The following MYO6 variants were observed in gnomAD, a reference collection of about 807,000 sequenced individuals.
MYO6 encodes the protein unconventional myosin-VI.
MYO6 carries 74 observed loss-of-function variants against 178.7 expected under a neutral mutation model. That is an observed-to-expected ratio of 0.41 (90% confidence interval 0.34 to 0.50). The LOEUF is 0.50. Among genes scored for constraint, MYO6 ranks in the 20% least tolerant of loss-of-function variants. The pLI is 0.09. For synonymous variants in MYO6, 477 were observed against 504.6 expected (o/e 0.95, Z 0.73); for missense variants, 1,330 against 1,547.4 (o/e 0.86, Z 2.36).
Position 75,764,509 on chromosome 6 carries a change from T to G in MYO6, c.-48+15086T>G, listed in dbSNP as rs550830469. 4.6e-5 allele frequency among the ~76,000 whole-genome samples: 7 copies of G among 152,214 alleles called. No individual in the cohort carries two copies. In the East Asian group the frequency reaches 1.4e-3, roughly 29 times the overall value. Reference sequence around the variant, plus strand: ...CTGGTATTATAATGTACATCAAAGGTTCTGTGATGTATGTGTATCTTCTTT... The same window carrying G: ...CTGGTATTATAATGTACATCAAAGGGTCTGTGATGTATGTGTATCTTCTTT... On this transcript the variant is annotated intron_variant, in intron 1 of 34. Transcript: ENST00000369977.
chr6:75,808,197 C>A (rs1240904245), intron 1 of MYO6, among the ~76,000 whole-genome samples: 1 of 152,168 alleles, frequency 6.6e-6, no homozygotes, highest in African/African-American at 2.4e-5. Flanking sequence ...ATACCACAAA[C>A]GTTTGTATTC....
chr6:75,808,021 A>G (rs1364921309), intron 1 of MYO6, among the ~76,000 whole-genome samples: 1 of 152,198 alleles, frequency 6.6e-6, no homozygotes, highest in Non-Finnish European at 1.5e-5. Context: ...CCTCGTCTTT[A>G]TCTTCTATAG....
chr6:75,780,656 A>G (rs975756393), intron 1 of MYO6, among the ~76,000 whole-genome samples: 6 of 152,282 alleles, frequency 3.9e-5, no homozygotes, highest in African/African-American at 1.2e-4. Context: ...ATGTTTAGCC[A>G]TTTGGGTTGA....
At chr6:75,759,631 G>A (rs2149982197) in intron 1 of MYO6, among the ~76,000 whole-genome samples, 1 of 152,158 alleles carries the variant, frequency 6.6e-6, no homozygotes, top group Middle Eastern at 3.4e-3. Flanking sequence ...AAAGAATTGA[G>A]GATGTGAAGG....
chr6:75,860,046 AGGAGATTT>A (rs1257696587), intron 14 of MYO6, among the ~76,000 whole-genome samples: 1 of 152,174 alleles, frequency 6.6e-6, no homozygotes, highest in Non-Finnish European at 1.5e-5. Context: ...CCATCAAGTC[AGGAGATTT>A]GATGCATCCA....
intron 10 of MYO6, among the ~76,000 whole-genome samples, chr6:75,846,649 T>G (rs1165085934): frequency 6.6e-6 from 1 of 152,140 alleles, no homozygotes; most frequent in African/African-American, 2.4e-5. Context: ...TATGTTTTTC[T>G]GAGATATCAA....
At position 75,873,268 on chromosome 6, in the gene MYO6, G is replaced by A. The variant is rs776564463; in HGVS notation, c.2045G>A (p.Gly682Asp). ...NLKMTSHHFE[G>D]AQILSQLQCS... is the part of the protein sequence containing the mutation. ...AAGATGACAAGCCACCACTTTGAAGGTGCTCAAATTCTGTCTCAGCTTCAG... is the reference window on the plus strand; with the variant it reads ...AAGATGACAAGCCACCACTTTGAAGATGCTCAAATTCTGTCTCAGCTTCAG... The change falls in exon 20 of 35, where the codon GGT (glycine) becomes GAT (aspartate). Residue 682 changes from glycine to aspartate, a missense_variant. Gly to Asp is a moderately conservative substitution (Grantham distance 94, BLOSUM62 -1). Transcript: ENST00000369977. 1 of 1,613,926 alleles carries A rather than the reference G, an allele frequency of 6.2e-7. No homozygotes were observed. Among genetic ancestry groups the A allele is most frequent in the Admixed American group, 1.7e-5 (1 of 60,000 alleles).
chr6:75,845,948 C>T (rs1774691708), intron 10 of MYO6, among the ~76,000 whole-genome samples: 1 of 150,298 alleles, frequency 6.7e-6, no homozygotes, highest in Non-Finnish European at 1.5e-5. Context: ...GATCGCACCA[C>T]TGTACTCCAG....
At chr6:75,790,940 G>T (rs11969264) in intron 1 of MYO6, among the ~76,000 whole-genome samples, 4,759 of 151,928 alleles carry the variant, frequency 0.031, 156 homozygotes, top group East Asian at 0.15. Context: ...GCTGTATATA[G>T]AGATATTTTT....
At chr6:75,754,177 CAA>C (rs912011386) in intron 1 of MYO6, among the ~76,000 whole-genome samples, 1 of 152,092 alleles carries the variant, frequency 6.6e-6, no homozygotes, top group Non-Finnish European at 1.5e-5. Context: ...AAACTCTTGA[CAA>C]AAACACAGTC....
chr6:75,782,809 G>A (rs1767119149), intron 1 of MYO6, among the ~76,000 whole-genome samples: 1 of 151,498 alleles, frequency 6.6e-6, no homozygotes, highest in South Asian at 2.1e-4. Flanking sequence ...GATTCTGAGT[G>A]TCTTTGTGGA....
At chr6:75,912,052 T>C (rs184003201) in intron 33 of MYO6, among the ~76,000 whole-genome samples, 2 of 152,078 alleles carry the variant, frequency 1.3e-5, no homozygotes, top group Admixed American at 1.3e-4. Flanking sequence ...AGGTGCTGGT[T>C]TTTGGTTACT....
chr6:75,758,500 A>G (rs535722268), intron 1 of MYO6, among the ~76,000 whole-genome samples: 90 of 151,322 alleles, frequency 5.9e-4, no homozygotes, highest in Non-Finnish European at 5.2e-4. Context: ...TCGCTCTGTC[A>G]CCCAGGCTGG....
Position 75,761,066 on chromosome 6 carries a change from T to C in MYO6, c.-48+11643T>C, listed in dbSNP as rs1357445880. On this transcript the variant is annotated intron_variant, in intron 1 of 34. Transcript: ENST00000369977. ...GAAGAACAAAGAACCTGTGTGTGTTTTGAAGAAGAATGTATTAGTTTCTCT... is the reference window on the plus strand; with the variant it reads ...GAAGAACAAAGAACCTGTGTGTGTTCTGAAGAAGAATGTATTAGTTTCTCT... Among the ~76,000 whole-genome samples the C allele has an allele frequency of 2.0e-5, 3 of 152,328 alleles. No individual in the cohort carries two copies. In the East Asian group the frequency reaches 5.8e-4, roughly 29 times the overall value.
chr6:75,879,324 G>A (rs1245281538), intron 20 of MYO6, among the ~76,000 whole-genome samples: 1 of 152,074 alleles, frequency 6.6e-6, no homozygotes. Context: ...GCTCACTGCA[G>A]CCTCCACCTC....
Position 75,854,275 on chromosome 6 carries a change from C to CTT in MYO6, c.1079-833_1079-832dup, listed in dbSNP as rs61398235. Among the ~76,000 whole-genome samples the CTT allele has an allele frequency of 3.6e-3, 162 of 45,466 alleles. 15 individuals carry two copies. Among genetic ancestry groups the CTT allele is most frequent in the African/African-American group, 0.013 (121 of 9,072 alleles). The allele number at this position is 45,466 out of a possible 152,430, so 29.8% of individuals were successfully genotyped here. On this transcript the variant is annotated intron_variant, in intron 11 of 34. Transcript: ENST00000369977. Reference sequence around the variant, plus strand: ...CATGGGTCAAGACCTAACTGCATTGCTTTTTTTTTTTTTTTTTTTTTTTTT... The same window carrying CTT: ...CATGGGTCAAGACCTAACTGCATTGCTTTTTTTTTTTTTTTTTTTTTTTTTTT...
At chr6:75,794,118 C>T (rs896989917) in intron 1 of MYO6, among the ~76,000 whole-genome samples, 1 of 151,910 alleles carries the variant, frequency 6.6e-6, no homozygotes. Flanking sequence ...AGGACATTCC[C>T]AAGACGGTGG....
chr6:75,910,063 GA>G (rs1196866414), intron 32 of MYO6, among the ~76,000 whole-genome samples: 3 of 152,150 alleles, frequency 2.0e-5, no homozygotes, highest in Admixed American at 2.0e-4. Flanking sequence ...TTGTAACCAA[GA>G]AGTGGCAGGT....
At chr6:75,866,278 T>TGTGTGTGG (rs1554212786) in intron 16 of MYO6, among the ~76,000 whole-genome samples, 1 of 142,326 alleles carries the variant, frequency 7.0e-6, no homozygotes, top group Non-Finnish European at 1.5e-5. Flanking sequence ...TCTGTCTCTG[T>TGTGTGTGG]GTGTGTGTGT....
Sources: gnomAD v4.1 joint callset for allele counts (sites outside exome capture counted in the v4.1 genomes callset) on GRCh38, gnomAD v4.1.1 for gene constraint, MANE v1.5 for transcripts, NCBI Gene and HGNC (gene_info 2026-07-23, HGNC 2026-07-21) for gene names.